Variants in CARNMT1 observed in about 807,000 individuals in gnomAD.
CARNMT1 encodes the protein carnosine N-methyltransferase 1.
In CARNMT1, 28 loss-of-function variants were observed where a neutral mutation model predicts 49.6. That is an observed-to-expected ratio of 0.56 (90% CI 0.42 to 0.77). CARNMT1 has a LOEUF of 0.77. Ranked by LOEUF, CARNMT1 falls within the 30% of genes least tolerant of loss-of-function variation. The probability of loss-of-function intolerance (pLI) is 0.00; values close to 1 mark genes in which losing one functional copy is unlikely to be tolerated. For synonymous variants in CARNMT1, 178 were observed against 175.0 expected, an observed-to-expected ratio of 1.02 and a Z score of -0.13; for missense variants, 421 against 512.6, an observed-to-expected ratio of 0.82 and a Z score of 1.73.
Position 74,985,958 on chromosome 9 carries a change from C to G in CARNMT1, c.1025-948G>C, listed in dbSNP as rs536802493. Reference sequence around the variant, plus strand: ...CACTAAGTAAATGGCAGGTATTACACTGTTTATATGACATCCTCCCTTTAC... The same window carrying G: ...CACTAAGTAAATGGCAGGTATTACAGTGTTTATATGACATCCTCCCTTTAC... On this transcript the variant is annotated intron_variant, in intron 6 of 7. Coordinates refer to ENST00000376834, the MANE Select transcript of CARNMT1 (RefSeq NM_152420.3). Among the ~76,000 whole-genome samples, 19 of 152,302 alleles carry G rather than the reference C, an allele frequency of 1.2e-4. No individual in the cohort carries two copies. In the East Asian group the frequency reaches 3.7e-3, roughly 29 times the overall value.
chr9:74,996,323 G>A, intron 6 of CARNMT1, 124 bp downstream of exon 6: 1 of 599,236 alleles, frequency 1.7e-6, no homozygotes. Context: ...AACTGTAGTG[G>A]TTTTAAAACA....
At chr9:75,018,401 C>G (rs1833912324) in intron 1 of CARNMT1, among the ~76,000 whole-genome samples, 1 of 152,174 alleles carries the variant, frequency 6.6e-6, no homozygotes, top group Non-Finnish European at 1.5e-5. Flanking sequence ...TATATACTCA[C>G]AGTATATCAT....
At chr9:75,028,380 C>T (rs1446224498), upstream of CARNMT1, 1 of 1,299,334 alleles carries the variant, frequency 7.7e-7, no homozygotes, top group East Asian at 3.2e-5. Context: ...CCGCCACCCT[C>T]AGGCCTCCAT....
chr9:75,001,556 G>A (rs374126343), intron 3 of CARNMT1, among the ~76,000 whole-genome samples: 8 of 152,182 alleles, frequency 5.3e-5, no homozygotes, highest in East Asian at 3.9e-4. Flanking sequence ...GTAAATTACT[G>A]GCATTATGAC....
Position 75,028,225 on chromosome 9 carries a change from C to T in CARNMT1, c.17G>A (p.Arg6His). The T allele has an allele frequency of 2.1e-6, 3 of 1,397,272 alleles. No individual in the cohort carries two copies. Among genetic ancestry groups the T allele is most frequent in the African/African-American group, 1.5e-5 (1 of 65,596 alleles). 86.6% of individuals were successfully genotyped at this position (1,397,272 alleles called of 1,614,324 possible). The part of the protein sequence containing the change: MQRRR[R>H]PPPPTSRLPE... ...CAGCCGGGAGGTGGGCGGCGGAGGG[C>T]GACGCCGTCGCTGCATCGCCGCCGC... The change falls in exon 1 of 8, where the codon CGC (arginine) becomes CAC (histidine). Residue 6 changes from arginine (R) to histidine (H), a missense_variant. Coordinates refer to ENST00000376834, the MANE Select transcript of CARNMT1 (RefSeq NM_152420.3).
intron 1 of CARNMT1, among the ~76,000 whole-genome samples, chr9:75,022,857 G>T (rs148943201): frequency 6.6e-6 from 1 of 151,976 alleles, no homozygotes; most frequent in Non-Finnish European, 1.5e-5. Flanking sequence ...GTCATCAGCC[G>T]GGCATGGTGG....
intron 6 of CARNMT1, among the ~76,000 whole-genome samples, chr9:74,988,601 T>C (rs1433948899): frequency 1.3e-5 from 2 of 152,246 alleles, no homozygotes; most frequent in Non-Finnish European, 2.9e-5. Context: ...CCATATCTGA[T>C]TATTTGCCTC....
At chr9:75,023,750 G>C (rs1485097304) in intron 1 of CARNMT1, among the ~76,000 whole-genome samples, 1 of 152,216 alleles carries the variant, frequency 6.6e-6, no homozygotes, top group Admixed American at 6.5e-5. Context: ...TTGGTACAAA[G>C]CCACACTATT....
At chr9:75,014,655 T>A (rs1021078556) in intron 3 of CARNMT1, among the ~76,000 whole-genome samples, 1 of 152,162 alleles carries the variant, frequency 6.6e-6, no homozygotes, top group Non-Finnish European at 1.5e-5. Flanking sequence ...ATATAATTCA[T>A]GCAATTTATC....
chr9:75,007,745 T>A (rs9410749), intron 3 of CARNMT1, among the ~76,000 whole-genome samples: 81,860 of 117,448 alleles, frequency 0.7, 28,773 homozygotes, highest in South Asian at 0.78. Context: ...ATAAAAATAA[T>A]AAAAAAAAAA....
At chr9:75,009,055 A>T (rs1423655548) in intron 3 of CARNMT1, among the ~76,000 whole-genome samples, 3 of 144,184 alleles carry the variant, frequency 2.1e-5, no homozygotes, top group Admixed American at 7.1e-5. Context: ...TCGGGAAAGG[A>T]CAGTCTTTTT....
At chr9:74,997,708 G>C (rs1037833838) in intron 5 of CARNMT1, among the ~76,000 whole-genome samples, 4 of 151,702 alleles carry the variant, frequency 2.6e-5, no homozygotes, top group African/African-American at 4.8e-5. Flanking sequence ...CTCTTAGAAA[G>C]GCTTTCCCTG....
chr9:75,027,613 A>AT (rs1458793829), intron 1 of CARNMT1, among the ~76,000 whole-genome samples: 1 of 152,198 alleles, frequency 6.6e-6, no homozygotes, highest in African/African-American at 2.4e-5. Flanking sequence ...CCGTGTGTTC[A>AT]GTTTGGAGGA....
chr9:75,010,247 C>A (rs1341827618), intron 3 of CARNMT1: 2 of 150,776 alleles, frequency 1.3e-5, no homozygotes, highest in African/African-American at 2.4e-5. Context: ...CCTCAGCCTT[C>A]CAAGTAGCTG....
chr9:75,027,304 C>T (rs939200526), intron 1 of CARNMT1: 8 of 668,576 alleles, frequency 1.2e-5, no homozygotes, highest in African/African-American at 5.9e-5. Flanking sequence ...GCCTAGCACA[C>T]CAGGGAGAAT....
chr9:75,028,173 A>G lies in CARNMT1; in HGVS notation c.69T>C (p.Gly23=). The G allele has an allele frequency of 1.3e-6, 2 of 1,521,058 alleles. No homozygotes were observed. The highest frequency in any genetic ancestry group is 1.8e-6 in the Non-Finnish European group (2 of 1,135,638). 94.2% of individuals were successfully genotyped at this position (1,521,058 alleles called of 1,614,324 possible). ...ACTGCACTTCCACCTCCTCGCTGCC[A>G]CCGCCTCCTCCCCCGCAGCCCTCGG... ...RLPEGCGGGG[G]GSEEVEVQFS... The change falls in exon 1 of 8, where the codon GGT becomes GGC. Residue 23 remains glycine (G), a synonymous_variant. Transcript: ENST00000376834.
intron 1 of CARNMT1, chr9:75,027,368 C>A: frequency 1.1e-6 from 1 of 950,672 alleles, no homozygotes; most frequent in South Asian, 4.9e-5. Context: ...ATTGTGACTT[C>A]TCTCATCTCT....
At chr9:74,991,352 A>T (rs554873174) in intron 6 of CARNMT1, 1 of 152,474 alleles carries the variant, frequency 6.6e-6, no homozygotes, top group African/African-American at 2.4e-5. Flanking sequence ...CATGTTGGCC[A>T]GGATGGTCTC....
chr9:74,981,800 A>C lies in CARNMT1; in HGVS notation c.*1967T>G, dbSNP rs1003792741. 6.6e-6 allele frequency: 1 copy of C among 152,104 alleles called. No individual in the cohort carries two copies. Among genetic ancestry groups the C allele is most frequent in the Non-Finnish European group, 1.5e-5 (1 of 67,984 alleles). 9.4% of individuals were successfully genotyped at this position (152,104 alleles called of 1,614,324 possible). A position where few individuals can be genotyped will look rare whatever the true frequency, so the allele number is the denominator to read the frequency against. On this transcript the variant is annotated 3_prime_UTR_variant, in exon 8 of 8. Transcript: ENST00000376834. ...AAAAGTGAATACTAGTCAGTGAATA[A>C]AAAGCATGTCTAAGCCATTGAAAAA...
Sources: allele counts gnomAD v4.1 joint callset (sites outside exome capture counted in the v4.1 genomes callset), GRCh38; gene constraint gnomAD v4.1.1; transcripts MANE v1.5; gene names NCBI Gene and HGNC (gene_info 2026-07-23, HGNC 2026-07-21).